The following GRID2 variants were observed in gnomAD, a reference collection of about 807,000 sequenced individuals.
The protein encoded by GRID2 is glutamate ionotropic receptor delta type subunit 2.
A neutral mutation model predicts 114.8 loss-of-function variants in GRID2; 33 were observed. That is an observed-to-expected ratio of 0.29 (90% CI 0.22 to 0.38). The LOEUF is 0.38. Among genes scored for constraint, GRID2 ranks in the 10% least tolerant of loss-of-function variants. The pLI, the probability that GRID2 is intolerant of heterozygous loss-of-function variation, is 1.00. For missense variants in GRID2, 1,184 were observed against 1,257.7 expected, an observed-to-expected ratio of 0.94 and a Z score of 0.89; for synonymous variants, 505 against 449.9, an observed-to-expected ratio of 1.12 and a Z score of -1.55.
intron 4 of GRID2, among the ~76,000 whole-genome samples, chr4:93,200,407 A>G (rs1373477931): frequency 6.6e-6 from 1 of 152,050 alleles, no homozygotes; most frequent in East Asian, 1.9e-4. Context: ...TCTACTAAAA[A>G]TACAAAAAAT....
intron 8 of GRID2, among the ~76,000 whole-genome samples, chr4:93,304,143 T>A (rs114633691): frequency 0.011 from 1,654 of 151,106 alleles, 28 homozygotes; most frequent in African/African-American, 0.038. Context: ...ATTACACTGA[T>A]CCACTTAGAA....
intron 2 of GRID2, among the ~76,000 whole-genome samples, chr4:92,802,439 G>C (rs1179754804): frequency 2.0e-5 from 3 of 151,502 alleles, no homozygotes; most frequent in African/African-American, 4.8e-5. Flanking sequence ...AATTCTCTGT[G>C]CTTTGTGTAT....
intron 14 of GRID2, among the ~76,000 whole-genome samples, chr4:93,657,155 T>C (rs1012673694): frequency 3.3e-5 from 5 of 152,152 alleles, no homozygotes; most frequent in Non-Finnish European, 5.9e-5. Context: ...TAGCTAGCCC[T>C]ACCTTCAGAT....
chr4:93,308,294 T>C (rs1189738647), intron 8 of GRID2, among the ~76,000 whole-genome samples: 1 of 152,182 alleles, frequency 6.6e-6, no homozygotes, highest in Non-Finnish European at 1.5e-5. Flanking sequence ...ACCTAAGCTG[T>C]GTTTTGTGGT....
chr4:93,786,222 G>C (rs1373717339), intron 1 of GRID2, among the ~76,000 whole-genome samples: 6 of 152,184 alleles, frequency 3.9e-5, no homozygotes, highest in South Asian at 2.1e-4. Flanking sequence ...ACAGTGTTCA[G>C]AATGGTGGAC....
chr4:93,787,931 G>A (rs1363241272), intron 1 of GRID2, among the ~76,000 whole-genome samples: 3 of 152,176 alleles, frequency 2.0e-5, no homozygotes, highest in Non-Finnish European at 4.4e-5. Context: ...TATTTTGTAT[G>A]TGGAGTGAAA....
chr4:92,767,087 C>A (rs888864674), intron 2 of GRID2, among the ~76,000 whole-genome samples: 5 of 152,176 alleles, frequency 3.3e-5, no homozygotes, highest in African/African-American at 9.7e-5. Context: ...TGATGTAGCA[C>A]GTTCTCAATC....
intron 14 of GRID2, among the ~76,000 whole-genome samples, chr4:93,634,827 G>A (rs915460425): frequency 1.3e-5 from 2 of 151,830 alleles, no homozygotes; most frequent in Non-Finnish European, 2.9e-5. Context: ...GGGAGAACTT[G>A]GTGAAAAATC....
chr4:92,637,246 T>C (rs1387528600), intron 2 of GRID2, among the ~76,000 whole-genome samples: 3 of 152,162 alleles, frequency 2.0e-5, no homozygotes, highest in Non-Finnish European at 2.9e-5. Flanking sequence ...TACTTTTTAG[T>C]AGCCTTTAAA....
chr4:92,862,360 C>T (rs1744588531), intron 2 of GRID2, among the ~76,000 whole-genome samples: 1 of 152,018 alleles, frequency 6.6e-6, no homozygotes. Context: ...ATTCTAATTT[C>T]ATGATATAAA....
chr4:92,307,977 A>G (rs1289991571), intron 1 of GRID2, among the ~76,000 whole-genome samples: 1 of 152,206 alleles, frequency 6.6e-6, no homozygotes, highest in African/African-American at 2.4e-5. Context: ...TGCTGTAGGA[A>G]GAACCAAAAA....
chr4:92,671,774 T>G (rs1049462415), intron 2 of GRID2, among the ~76,000 whole-genome samples: 5 of 152,132 alleles, frequency 3.3e-5, no homozygotes, highest in Non-Finnish European at 7.4e-5. Flanking sequence ...GATAATATAT[T>G]CTTTTTCCCT....
intron 1 of GRID2, among the ~76,000 whole-genome samples, chr4:92,365,473 G>C (rs1326214748): frequency 6.6e-6 from 1 of 151,848 alleles, no homozygotes; most frequent in East Asian, 1.9e-4. Flanking sequence ...AGTTAACAGA[G>C]ACTGGGTGGT....
At chr4:93,466,685 C>T (rs1044996845) in intron 11 of GRID2, among the ~76,000 whole-genome samples, 4 of 152,120 alleles carry the variant, frequency 2.6e-5, no homozygotes, top group Non-Finnish European at 4.4e-5. Flanking sequence ...GCTTCTGCCC[C>T]GGCCCTGTTT....
chr4:93,042,671 CTATATA>C (rs1306358359), intron 2 of GRID2, among the ~76,000 whole-genome samples: 1 of 140,806 alleles, frequency 7.1e-6, no homozygotes, highest in Non-Finnish European at 1.5e-5. Flanking sequence ...ATCTCTCTCT[CTATATA>C]TCTATATATA....
chr4:93,480,477 C>T (rs555085985), intron 11 of GRID2, among the ~76,000 whole-genome samples: 1 of 151,984 alleles, frequency 6.6e-6, no homozygotes, highest in Non-Finnish European at 1.5e-5. Context: ...TAAAGTATAA[C>T]CTGTAATTAA....
At chr4:93,697,188 G>A (rs1309018149) in intron 14 of GRID2, among the ~76,000 whole-genome samples, 2 of 152,156 alleles carry the variant, frequency 1.3e-5, no homozygotes, top group African/African-American at 4.8e-5. Flanking sequence ...AGCAACACAA[G>A]TGCTAATATT....
chr4:93,122,441 A>G (rs1733861743), intron 4 of GRID2, among the ~76,000 whole-genome samples: 1 of 152,196 alleles, frequency 6.6e-6, no homozygotes, highest in African/African-American at 2.4e-5. Flanking sequence ...TCCTATTGCT[A>G]TGACCTATAT....
chr4:93,016,234 A>G (rs1401462733), intron 2 of GRID2, among the ~76,000 whole-genome samples: 1 of 152,090 alleles, frequency 6.6e-6, no homozygotes, highest in Non-Finnish European at 1.5e-5. Context: ...TGGAATAGAA[A>G]ATATCATTAA....
Sources: gnomAD v4.1 joint callset for allele counts (sites outside exome capture counted in the v4.1 genomes callset) on GRCh38, gnomAD v4.1.1 for gene constraint, MANE v1.5 for transcripts, NCBI Gene and HGNC (gene_info 2026-07-23, HGNC 2026-07-21) for gene names.